NRP1: variants seen among roughly 807,000 people sequenced by gnomAD.
The protein encoded by NRP1 is neuropilin-1.
In NRP1, 35 loss-of-function variants were observed where a neutral mutation model predicts 106.7. The ratio of observed to expected loss-of-function variants is 0.33; its 90% CI spans 0.25 to 0.43. NRP1 has a LOEUF of 0.43. NRP1 is among the 20% of genes least tolerant of loss of function. The pLI, the probability that NRP1 is intolerant of heterozygous loss-of-function variation, is 1.00. For synonymous variants in NRP1, 437 were observed against 417.9 expected, an observed-to-expected ratio of 1.05 and a Z score of -0.56; for missense variants, 1,024 against 1,170.4, an observed-to-expected ratio of 0.87 and a Z score of 1.83.
intron 8 of NRP1, among the ~76,000 whole-genome samples, chr10:33,216,239 G>A (rs1333649235): frequency 6.7e-6 from 1 of 150,370 alleles, no homozygotes. Context: ...CCGGGTTCAC[G>A]CCATTCTCCT....
chr10:33,219,245 G>A (rs1839031705), intron 8 of NRP1, among the ~76,000 whole-genome samples: 1 of 152,122 alleles, frequency 6.6e-6, no homozygotes, highest in African/African-American at 2.4e-5. Context: ...TTGCATTAAG[G>A]TGATCCTCAC....
chr10:33,262,965 T>G (rs148034049), intron 4 of NRP1, among the ~76,000 whole-genome samples: 1 of 152,348 alleles, frequency 6.6e-6, no homozygotes, highest in East Asian at 1.9e-4. Context: ...TTGCTTACCC[T>G]GTGGCTAGGA....
chr10:33,304,311 CA>C (rs1345655503), intron 2 of NRP1, among the ~76,000 whole-genome samples: 1 of 152,096 alleles, frequency 6.6e-6, no homozygotes, highest in Non-Finnish European at 1.5e-5. Flanking sequence ...TTCACCACAG[CA>C]AAAAATTGAG....
intron 2 of NRP1, among the ~76,000 whole-genome samples, chr10:33,291,067 T>C (rs146343236): frequency 1.5e-4 from 23 of 152,318 alleles, no homozygotes; most frequent in East Asian, 3.9e-4. Flanking sequence ...GGAAAAATCA[T>C]TGGGTGCTTT....
intron 2 of NRP1, among the ~76,000 whole-genome samples, chr10:33,296,385 T>A (rs1436156783): frequency 6.6e-6 from 1 of 152,146 alleles, no homozygotes; most frequent in African/African-American, 2.4e-5. Context: ...AAAGTACTCT[T>A]TTCATCTTAA....
intron 6 of NRP1, among the ~76,000 whole-genome samples, chr10:33,232,670 G>T (rs1840248227): frequency 8.3e-6 from 1 of 120,698 alleles, no homozygotes; most frequent in East Asian, 2.9e-4. Flanking sequence ...TTGAGACAGA[G>T]TCTCAGTCTG....
intron 7 of NRP1, among the ~76,000 whole-genome samples, chr10:33,222,497 A>AGATTGATT (rs199656065): frequency 2.7e-4 from 37 of 136,322 alleles, no homozygotes; most frequent in African/African-American, 9.2e-4. Flanking sequence ...TTGTGCGTCA[A>AGATTGATT]GATTTATTTA....
At chr10:33,191,625 A>G (rs2132626473) in intron 13 of NRP1, among the ~76,000 whole-genome samples, 1 of 152,314 alleles carries the variant, frequency 6.6e-6, no homozygotes, top group Non-Finnish European at 1.5e-5. Context: ...AATTCATTCT[A>G]CTATTTCTTT....
intron 9 of NRP1, chr10:33,212,426 C>T (rs1012300640): frequency 7.2e-5 from 11 of 152,104 alleles, no homozygotes; most frequent in African/African-American, 2.2e-4. Flanking sequence ...AAGCCAATCA[C>T]AAAAAGACAA....
intron 2 of NRP1, among the ~76,000 whole-genome samples, chr10:33,291,725 T>G (rs987550998): frequency 1.3e-5 from 2 of 152,158 alleles, no homozygotes; most frequent in African/African-American, 4.8e-5. Flanking sequence ...GATTGCGAAG[T>G]GTTTTTTGGA....
At chr10:33,180,971 G>A (rs1362125200) in intron 16 of NRP1, among the ~76,000 whole-genome samples, 2 of 152,204 alleles carry the variant, frequency 1.3e-5, no homozygotes, top group African/African-American at 4.8e-5. Context: ...TAAACAGAGT[G>A]TGGCTCAAAT....
rs148359184 is a variant in NRP1, at chr10:33,286,997, C to T, written c.249-16141G>A. On this transcript the variant is annotated intron_variant, in intron 2 of 16. Coordinates refer to ENST00000374867, the MANE Select transcript of NRP1 (RefSeq NM_003873.7). ...AATACCCATTTTCACTAATTAAACA[C>T]ACACATAACTTTCATAAATTTTAAA... Among the ~76,000 whole-genome samples, 878 of 152,264 alleles carry T rather than the reference C, an allele frequency of 5.8e-3. 2 individuals carry two copies. The highest frequency in any genetic ancestry group is 8.6e-3 in the Non-Finnish European group (588 of 68,018).
intron 6 of NRP1, among the ~76,000 whole-genome samples, chr10:33,227,110 G>T (rs1839737040): frequency 6.6e-6 from 1 of 152,212 alleles, no homozygotes; most frequent in South Asian, 2.1e-4. Context: ...GCCAGGAAAA[G>T]ACCTTTCTCA....
At chr10:33,331,524 T>C (rs1848283943) in intron 1 of NRP1, among the ~76,000 whole-genome samples, 1 of 152,194 alleles carries the variant, frequency 6.6e-6, no homozygotes, top group Admixed American at 6.5e-5. Context: ...TTGTTCAAGC[T>C]TGGAGATCGG....
intron 15 of NRP1, 32 bp downstream of exon 15, chr10:33,185,596 C>A: frequency 6.6e-7 from 1 of 1,513,462 alleles, no homozygotes; most frequent in Non-Finnish European, 9.2e-7. Context: ...TGGGCAAGCA[C>A]TCCATTGGTT....
chr10:33,212,963 G>T, intron 9 of NRP1: 1 of 453,530 alleles, frequency 2.2e-6, no homozygotes, highest in South Asian at 3.1e-5. Flanking sequence ...GAGCCACTGA[G>T]CCTGGCCCAC....
intron 6 of NRP1, among the ~76,000 whole-genome samples, chr10:33,232,562 C>T (rs1214166545): frequency 3.3e-5 from 5 of 150,876 alleles, no homozygotes; most frequent in Admixed American, 2.6e-4. Context: ...TGGTATTTAT[C>T]GATGGCATGT....
chr10:33,295,396 A>G (rs1845315427), intron 2 of NRP1, among the ~76,000 whole-genome samples: 1 of 152,228 alleles, frequency 6.6e-6, no homozygotes, highest in Non-Finnish European at 1.5e-5. Flanking sequence ...TAGGCAGTGA[A>G]GAACTTTCCA....
At chr10:33,232,526 C>CTG (rs957737104) in intron 6 of NRP1, among the ~76,000 whole-genome samples, 13 of 151,390 alleles carry the variant, frequency 8.6e-5, no homozygotes, top group Non-Finnish European at 1.5e-5. Flanking sequence ...ACATTTCCCT[C>CTG]TGTGTGTGTG....
Sources: gnomAD v4.1 joint callset for allele counts (sites outside exome capture counted in the v4.1 genomes callset) on GRCh38, gnomAD v4.1.1 for gene constraint, MANE v1.5 for transcripts, NCBI Gene and HGNC (gene_info 2026-07-23, HGNC 2026-07-21) for gene names.